Variants in PTPRN2 observed in about 807,000 individuals in gnomAD.
PTPRN2 encodes the protein protein tyrosine phosphatase receptor type N2.
PTPRN2 carries 74 observed loss-of-function variants against 118.8 expected under a neutral mutation model. That is an observed-to-expected ratio of 0.62 (90% CI 0.52 to 0.76). The LOEUF (loss-of-function observed/expected upper bound fraction) is 0.76, where lower values mean the gene tolerates loss of function less well. Ranked by LOEUF, PTPRN2 falls within the 30% of genes least tolerant of loss-of-function variation. The pLI, the probability that PTPRN2 is intolerant of heterozygous loss-of-function variation, is 0.00. For missense variants in PTPRN2, 1,481 were observed against 1,394.4 expected (o/e 1.06, Z -0.99); for synonymous variants, 641 against 608.0 (o/e 1.05, Z -0.80).
chr7:158,573,122 A>C (rs1828138205), intron 1 of PTPRN2, among the ~76,000 whole-genome samples: 1 of 152,184 alleles, frequency 6.6e-6, no homozygotes, highest in Admixed American at 6.5e-5. Context: ...CCCTCATTTT[A>C]CTTTTATAAA....
intron 12 of PTPRN2, among the ~76,000 whole-genome samples, chr7:157,895,443 G>A (rs1002662505): frequency 3.3e-5 from 5 of 151,984 alleles, no homozygotes; most frequent in African/African-American, 4.8e-5. Context: ...GGATCTGGAC[G>A]AGACCATAAA....
intron 2 of PTPRN2, among the ~76,000 whole-genome samples, chr7:158,470,055 G>A (rs1324753168): frequency 6.6e-6 from 1 of 152,186 alleles, no homozygotes; most frequent in African/African-American, 2.4e-5. Context: ...AAAGAATTGG[G>A]AGCTGGGATC....
Position 157,785,714 on chromosome 7 carries a change from G to C in PTPRN2, c.1789-102777C>G, listed in dbSNP as rs550771297. On this transcript the variant is annotated intron_variant, in intron 12 of 22. Transcript: ENST00000389418. The surrounding 1 kb of genome is among the most constrained non-coding windows in gnomAD (Gnocchi z 7.3). ...CCTGCTCAGAGATGGGCATGGGGCC[G>C]GCCTGGGAAGCATGGCGGGAGGGGA... Among the ~76,000 whole-genome samples, 1 of 152,152 alleles carries C rather than the reference G, an allele frequency of 6.6e-6. No homozygotes were observed. Among genetic ancestry groups the C allele is most frequent in the Admixed American group, 6.5e-5 (1 of 15,282 alleles).
chr7:157,747,412 C>A (rs1443304172), intron 12 of PTPRN2, among the ~76,000 whole-genome samples: 3 of 105,930 alleles, frequency 2.8e-5, no homozygotes, highest in African/African-American at 1.2e-4. Flanking sequence ...CTGAGGCCTG[C>A]GTCCCTGAGC....
At position 157,568,883 on chromosome 7, in the gene PTPRN2, G is replaced by A. The variant is rs1218847531; in HGVS notation, c.2902+19C>T. The A allele has an allele frequency of 6.5e-7, 1 of 1,538,374 alleles. No individual in the cohort carries two copies. The highest frequency in any genetic ancestry group is 1.4e-5 in the African/African-American group (1 of 73,170). On this transcript the variant is annotated intron_variant, in intron 21 of 22. Transcript: ENST00000389418. ...TCCCAGCTCTGAGCCGCAACAAAGCGGCAGTGTCTGTGTCTCACCTTTGGC... is the reference window on the plus strand; with the variant it reads ...TCCCAGCTCTGAGCCGCAACAAAGCAGCAGTGTCTGTGTCTCACCTTTGGC...
At chr7:158,098,526 A>G (rs1046525073) in intron 10 of PTPRN2, among the ~76,000 whole-genome samples, 12 of 152,192 alleles carry the variant, frequency 7.9e-5, no homozygotes, top group Non-Finnish European at 1.0e-4. Context: ...GTCTTCCGAC[A>G]GCGAAGGCGG....
chr7:158,362,853 C>T (rs1052205757), intron 2 of PTPRN2, among the ~76,000 whole-genome samples: 26 of 152,258 alleles, frequency 1.7e-4, no homozygotes, highest in African/African-American at 5.8e-4. Context: ...GGGGCAGTAG[C>T]CCCAAAGCCC....
chr7:158,071,696 T>TGTGGTGGAGGTGCTCGTG (rs1811788520), intron 11 of PTPRN2, among the ~76,000 whole-genome samples: 2 of 40,972 alleles, frequency 4.9e-5, no homozygotes, highest in African/African-American at 7.8e-5. Context: ...TGGAGGTGCT[T>TGTGGTGGAGGTGCTCGTG]GTGGTGGAGG....
intron 2 of PTPRN2, among the ~76,000 whole-genome samples, chr7:158,449,566 T>A (rs777033674): frequency 2.3e-4 from 34 of 150,608 alleles, no homozygotes; most frequent in South Asian, 6.3e-4. Flanking sequence ...GCAAGACACA[T>A]AGCGCGGGCC....
At chr7:157,594,165 T>C (rs544865988) in intron 17 of PTPRN2, among the ~76,000 whole-genome samples, 40 of 152,314 alleles carry the variant, frequency 2.6e-4, no homozygotes, top group Admixed American at 9.8e-4. Context: ...TTCCAGACTT[T>C]TCTGGAAAGC....
intron 12 of PTPRN2, among the ~76,000 whole-genome samples, chr7:157,885,892 G>A (rs1796423703): frequency 6.6e-6 from 1 of 152,194 alleles, no homozygotes; most frequent in African/African-American, 2.4e-5. Flanking sequence ...TGCCTCCTGG[G>A]GACAAGGGAG....
intron 11 of PTPRN2, among the ~76,000 whole-genome samples, chr7:157,984,598 C>G (rs1803625379): frequency 6.6e-6 from 1 of 152,086 alleles, no homozygotes; most frequent in Non-Finnish European, 1.5e-5. Context: ...GTGCTGGGGG[C>G]TGGCGCTGTT....
At chr7:157,989,611 G>C (rs544147206) in intron 11 of PTPRN2, among the ~76,000 whole-genome samples, 4 of 151,460 alleles carry the variant, frequency 2.6e-5, no homozygotes, top group Non-Finnish European at 5.9e-5. Flanking sequence ...GGGGTGGAGG[G>C]ATGAGGGGGG....
chr7:158,413,137 CG>C (rs1814338331), intron 2 of PTPRN2, among the ~76,000 whole-genome samples: 1 of 151,890 alleles, frequency 6.6e-6, no homozygotes, highest in African/African-American at 2.4e-5. Context: ...ACCCATCCAG[CG>C]CCCTCCTCAA....
chr7:158,246,561 C>T (rs964156633), intron 3 of PTPRN2, among the ~76,000 whole-genome samples: 12 of 151,222 alleles, frequency 7.9e-5, no homozygotes, highest in African/African-American at 2.4e-4. Flanking sequence ...TCCTTGTCCA[C>T]GGGATTTTTC....
chr7:157,612,775 A>G (rs1802447808), intron 15 of PTPRN2, among the ~76,000 whole-genome samples: 1 of 152,182 alleles, frequency 6.6e-6, no homozygotes, highest in Non-Finnish European at 1.5e-5. Context: ...ACGCCCAAAC[A>G]GCTCGCGGGA....
At chr7:157,817,960 G>A (rs1276734915) in intron 12 of PTPRN2, among the ~76,000 whole-genome samples, 1 of 151,974 alleles carries the variant, frequency 6.6e-6, no homozygotes, top group African/African-American at 2.4e-5. Context: ...TATGTGCATG[G>A]TGTGTGCCTG....
intron 3 of PTPRN2, among the ~76,000 whole-genome samples, chr7:158,281,335 A>G (rs1293375020): frequency 6.6e-6 from 1 of 152,230 alleles, no homozygotes. Flanking sequence ...GTATGGTTTA[A>G]AAGCATATAA....
chr7:158,428,797 A>G (rs1000944322), intron 2 of PTPRN2, among the ~76,000 whole-genome samples: 2 of 152,116 alleles, frequency 1.3e-5, no homozygotes, highest in Non-Finnish European at 2.9e-5. Flanking sequence ...CCGTGTCTGT[A>G]TGTTACTTAC....
Sources: allele counts gnomAD v4.1 joint callset (sites outside exome capture counted in the v4.1 genomes callset), GRCh38; gene constraint gnomAD v4.1.1; non-coding constraint Gnocchi (gnomAD v3.1); transcripts MANE v1.5; gene names NCBI Gene and HGNC (gene_info 2026-07-23, HGNC 2026-07-21).